SLC7A7: variants seen among roughly 807,000 people sequenced by gnomAD.
The protein encoded by SLC7A7 is Y+L amino acid transporter 1.
A neutral mutation model predicts 47.9 loss-of-function variants in SLC7A7; 39 were observed. That is an observed-to-expected ratio of 0.81 (90% CI 0.63 to 1.06). The LOEUF is 1.06. SLC7A7 is among the 50% of genes least tolerant of loss of function. SLC7A7 has a pLI of 0.00. For synonymous variants in SLC7A7, 234 were observed against 242.8 expected, an observed-to-expected ratio of 0.96 and a Z score of 0.34; for missense variants, 588 against 632.0, an observed-to-expected ratio of 0.93 and a Z score of 0.75.
At chr14:22,801,225 C>T (rs1201901109) in intron 2 of SLC7A7, among the ~76,000 whole-genome samples, 3 of 152,166 alleles carry the variant, frequency 2.0e-5, no homozygotes, top group African/African-American at 7.2e-5. Flanking sequence ...CAACTCTCAA[C>T]CTTTTCTTCC....
intron 2 of SLC7A7, among the ~76,000 whole-genome samples, chr14:22,800,682 C>T (rs1566456904): frequency 1.7e-5 from 1 of 60,120 alleles, no homozygotes; most frequent in Non-Finnish European, 4.8e-5. Context: ...CACCCGTAAT[C>T]CTAACACTTT....
intron 2 of SLC7A7, among the ~76,000 whole-genome samples, chr14:22,801,509 C>G (rs1425211842): frequency 6.6e-6 from 1 of 152,074 alleles, no homozygotes; most frequent in Non-Finnish European, 1.5e-5. Flanking sequence ...AGAGGCCAGG[C>G]ACGGTGGCTC....
chr14:22,795,392 TTC>T (rs201480652), intron 2 of SLC7A7, among the ~76,000 whole-genome samples: 62 of 49,438 alleles, frequency 1.3e-3, no homozygotes, highest in Non-Finnish European at 2.1e-3. Context: ...CTTGCTTTCT[TTC>T]TTTCTTTCTT....
chr14:22,773,558 T>C lies in SLC7A7; in HGVS notation c.*52A>G, dbSNP rs757850594. On this transcript the variant is annotated 3_prime_UTR_variant, in exon 10 of 10. Transcript: ENST00000674313. The stretch of plus-strand genomic sequence containing the variant: ...CTTTCCTTTTCAACTTCCTTAGCTC[T>C]AGCCAGTAGACCAGAAACCCCTGCT... 1 of 1,498,818 alleles carries C rather than the reference T, an allele frequency of 6.7e-7. No individual in the cohort carries two copies. The highest frequency in any genetic ancestry group is 1.1e-5 in the South Asian group (1 of 88,206). The allele number at this position is 1,498,818 out of a possible 1,614,324, so 92.8% of individuals were successfully genotyped here.
upstream of SLC7A7, among the ~76,000 whole-genome samples, chr14:22,818,956 G>C (rs2039442254): frequency 6.6e-6 from 1 of 152,108 alleles, no homozygotes; most frequent in Non-Finnish European, 1.5e-5. Context: ...TTCCCTGTCT[G>C]AGATGCATTC....
At chr14:22,800,958 A>G (rs2039102812) in intron 2 of SLC7A7, among the ~76,000 whole-genome samples, 1 of 152,012 alleles carries the variant, frequency 6.6e-6, no homozygotes, top group Non-Finnish European at 1.5e-5. Context: ...AAAAAAAAGA[A>G]GCCCAGATTG....
Position 22,773,867 on chromosome 14 carries a change from A to G in SLC7A7, c.1429+66T>C. 1.9e-6 allele frequency: 3 copies of G among 1,602,664 alleles called. No individual in the cohort carries two copies. The South Asian group carries it at 3.3e-5, about 18-fold the overall frequency. Reference sequence around the variant, plus strand: ...AGGCAAAGATGTCTTTGGAGGCTGGATTTACAGAAAAAGGCAAAAACCAAG... The same window carrying G: ...AGGCAAAGATGTCTTTGGAGGCTGGGTTTACAGAAAAAGGCAAAAACCAAG... On this transcript the variant is annotated intron_variant, in intron 9 of 9. Coordinates refer to ENST00000674313, the MANE Select transcript of SLC7A7 (RefSeq NM_003982.4).
chr14:22,813,226 G>A lies in SLC7A7; in HGVS notation c.173C>T (p.Ser58Phe). Residue 58 changes from serine (S) to phenylalanine (F), a missense_variant, in exon 2 of 10, where the codon TCC becomes TTC. Physicochemically the swap from Ser to Phe is radical, Grantham distance 155. Transcript: ENST00000674313. ...GNMIGSGIFV[S>F]PKGVLIYSAS... is the part of the protein sequence containing the mutation. ...ACTGTATATGAGCACACCCTTGGGG[G>A]AAACAAAGATGCCCGAGCCGATCAT... 1 of 1,613,876 alleles carries A rather than the reference G, an allele frequency of 6.2e-7. No homozygotes were observed. Among genetic ancestry groups the A allele is most frequent in the Non-Finnish European group, 8.5e-7 (1 of 1,179,814 alleles).
chr14:22,787,882 G>T (rs1478398963), intron 2 of SLC7A7, among the ~76,000 whole-genome samples: 1 of 151,948 alleles, frequency 6.6e-6, no homozygotes, highest in Non-Finnish European at 1.5e-5. Flanking sequence ...GACCATCCTG[G>T]CTAACACAAT....
In SLC7A7 at chr14:22,780,070, T is replaced by G. The variant is rs764938296; in HGVS notation, c.500-19A>C. 12 of 1,613,570 alleles carry G rather than the reference T, an allele frequency of 7.4e-6. No homozygotes were observed. Among genetic ancestry groups the G allele is most frequent in the African/African-American group, 2.7e-5 (2 of 74,878 alleles). Reference sequence around the variant, plus strand: ...AAGAGACCTGAAAGAAAAATAATACTGATTGGTGACTTACCCTTACCACCC... The same window carrying G: ...AAGAGACCTGAAAGAAAAATAATACGGATTGGTGACTTACCCTTACCACCC... On this transcript the variant is annotated intron_variant, in intron 2 of 9. Transcript: ENST00000674313.
At chr14:22,777,125 G>A (rs2038625872) in intron 4 of SLC7A7, among the ~76,000 whole-genome samples, 1 of 133,504 alleles carries the variant, frequency 7.5e-6, no homozygotes, top group Non-Finnish European at 1.5e-5. Context: ...GCCTGGGCAA[G>A]GCAGCCAGAC....
At chr14:22,782,108 C>A (rs1177102283) in intron 2 of SLC7A7, among the ~76,000 whole-genome samples, 2 of 151,950 alleles carry the variant, frequency 1.3e-5, no homozygotes, top group African/African-American at 4.8e-5. Context: ...ATTTATTTTT[C>A]TTTTTCTTTT....
chr14:22,801,521 C>T (rs958612307), intron 2 of SLC7A7, among the ~76,000 whole-genome samples: 5 of 152,202 alleles, frequency 3.3e-5, no homozygotes, highest in African/African-American at 7.2e-5. Context: ...CGGTGGCTCA[C>T]GCCTGTAATC....
In SLC7A7 at chr14:22,813,060, T is replaced by C; in HGVS notation, c.339A>G (p.Gly113=). The C allele has an allele frequency of 6.2e-7, 1 of 1,614,020 alleles. No individual in the cohort carries two copies. The highest frequency in any genetic ancestry group is 8.5e-7 in the Non-Finnish European group (1 of 1,180,004). ...SYAYILEAFG[G]FLAFIRLWTS... The stretch of plus-strand genomic sequence containing the variant: ...TCCAGAGTCTGATGAAAGCAAGGAA[T>C]CCTCCAAAGGCCTCCAGGATATAGG... The change falls in exon 2 of 10, where the codon GGA becomes GGG. Residue 113 remains glycine, a synonymous_variant. Transcript: ENST00000674313.
At position 22,778,882 on chromosome 14, in the gene SLC7A7, G is replaced by A. The variant is rs774892456; in HGVS notation, c.681C>T (p.Asp227=). 21 of 1,614,162 alleles carry A rather than the reference G, an allele frequency of 1.3e-5. No homozygotes were observed. Among genetic ancestry groups the A allele is most frequent in the Admixed American group, 6.7e-5 (4 of 60,014 alleles). Residue 227 remains aspartate (D), a synonymous_variant, in exon 4 of 10, where the codon GAC becomes GAT. Transcript: ENST00000674313. ...GAGCTGAGTACAGTGCCAGGGCAAT[G>A]TCACCCACTGCAAATGATGAACCCT... ...SFEGSSFAVG[D]IALALYSALF... is the part of the protein sequence containing the mutation.
At chr14:22,786,039 A>AG (rs2038810340) in intron 2 of SLC7A7, among the ~76,000 whole-genome samples, 2 of 148,144 alleles carry the variant, frequency 1.4e-5, no homozygotes, top group African/African-American at 5.0e-5. Flanking sequence ...AAAAAAAAAA[A>AG]GCCAGGTGCA....
rs139619724 is a variant in SLC7A7 at position 22,774,471 on chromosome 14, T to G, written c.1128A>C (p.Glu376Asp). Reference protein sequence around the residue: ...GIMALIYLCVEDIFQLINYYS... With the variant: ...GIMALIYLCVDDIFQLINYYS... ...AGTAGTTAATGAGCTGGAAGATGTC[T>G]TCCACGCACAAGTAGATCAATGCCA... The change falls in exon 8 of 10, where the codon GAA (glutamate) becomes GAC (aspartate). Residue 376 changes from glutamate (E) to aspartate (D), a missense_variant. Coordinates refer to ENST00000674313, the MANE Select transcript of SLC7A7 (RefSeq NM_003982.4). The G allele has an allele frequency of 1.3e-4, 203 of 1,614,010 alleles. No individual in the cohort carries two copies. Among genetic ancestry groups the G allele is most frequent in the Middle Eastern group, 4.9e-4 (3 of 6,084 alleles).
intron 2 of SLC7A7, among the ~76,000 whole-genome samples, chr14:22,795,396 T>TGCTTGC (rs561365209): frequency 1.9e-4 from 13 of 69,420 alleles, no homozygotes; most frequent in African/African-American, 8.1e-4. Context: ...CTTTCTTTCT[T>TGCTTGC]TCTTTCTTTC....
chr14:22,774,619 T>A, intron 7 of SLC7A7, 116 bp from the exon 8 acceptor site: 6 of 1,388,040 alleles, frequency 4.3e-6, no homozygotes, highest in Non-Finnish European at 6.1e-6. Flanking sequence ...CTCCTGGTCC[T>A]CTTCTGGTTT....
Sources: gnomAD v4.1 joint callset for allele counts (sites outside exome capture counted in the v4.1 genomes callset) on GRCh38, gnomAD v4.1.1 for gene constraint, MANE v1.5 for transcripts, NCBI Gene and HGNC (gene_info 2026-07-23, HGNC 2026-07-21) for gene names.